Variants in CFAP54 observed in about 807,000 individuals in gnomAD.
CFAP54 encodes the protein cilia and flagella associated protein 54.
In CFAP54, 290 loss-of-function variants were observed where a neutral mutation model predicts 370.4. The observed-to-expected ratio is 0.78, with a 90% CI of 0.71 to 0.86. The LOEUF (loss-of-function observed/expected upper bound fraction) is 0.86. CFAP54 is among the 40% of genes least tolerant of loss of function. CFAP54 has a pLI of 0.00. For missense variants in CFAP54, 3,399 were observed against 3,528.7 expected, an observed-to-expected ratio of 0.96 and a Z score of 0.93; for synonymous variants, 1,206 against 1,236.5, an observed-to-expected ratio of 0.98 and a Z score of 0.52.
intron 32 of CFAP54, among the ~76,000 whole-genome samples, chr12:96,634,044 A>ATTTTTTTTTTTTTTTTTTTTTTTTT (rs1238845346): frequency 1.2e-5 from 1 of 85,360 alleles, no homozygotes; most frequent in Non-Finnish European, 2.7e-5. Context: ...GATAGCGAAC[A>ATTTTTTTTTTTTTTTTTTTTTTTTT]TCTTTTTTTT....
At position 96,817,756 on chromosome 12, in the gene CFAP54, A is replaced by C; in HGVS notation, c.8958-19A>C. On this transcript the variant is annotated intron_variant, in intron 64 of 67. Transcript: ENST00000524981. The stretch of plus-strand genomic sequence containing the variant: ...TCTTAACTCTTCAAATAAAATACAT[A>C]TATATTTGTTATTTTCAGGGTTATT... The C allele has an allele frequency of 7.1e-7, 1 of 1,410,134 alleles. No individual in the cohort carries two copies. The highest frequency in any genetic ancestry group is 1.4e-5 in the African/African-American group (1 of 69,264). The allele number at this position is 1,410,134 out of a possible 1,614,324, so 87.4% of individuals were successfully genotyped here.
chr12:96,823,138 C>CTGTG (rs34092422), intron 65 of CFAP54, among the ~76,000 whole-genome samples: 43,035 of 147,848 alleles, frequency 0.29, 6,480 homozygotes, highest in South Asian at 0.53. Flanking sequence ...GTGTGTGTGT[C>CTGTG]TGTGTGTGTG....
rs146532845 is a variant in CFAP54, at chr12:96,732,678, T to C, written c.6966-7278T>C. Among the ~76,000 whole-genome samples, 722 of 152,314 alleles carry C rather than the reference T, an allele frequency of 4.7e-3. 4 individuals are homozygous for C. The highest frequency in any genetic ancestry group is 0.016 in the African/African-American group (685 of 41,560). On this transcript the variant is annotated intron_variant, in intron 50 of 67. Transcript: ENST00000524981. ...GGGTTCTCAATAATTTTTAGAGGTA[T>C]AAAGAGGTGCTGAGAATAAAAAGCT...
chr12:96,641,275 A>T (rs1227786212), intron 32 of CFAP54, among the ~76,000 whole-genome samples: 1 of 152,250 alleles, frequency 6.6e-6, no homozygotes, highest in Non-Finnish European at 1.5e-5. Flanking sequence ...AAGGATATGA[A>T]CAGACACTTC....
At chr12:96,799,116 AG>A (rs1845157613) in intron 63 of CFAP54, among the ~76,000 whole-genome samples, 1 of 152,210 alleles carries the variant, frequency 6.6e-6, no homozygotes, top group Non-Finnish European at 1.5e-5. Context: ...GATAGAAGGA[AG>A]GAGGGGACAA....
intron 19 of CFAP54, among the ~76,000 whole-genome samples, chr12:96,574,173 A>T (rs553618912): frequency 2.6e-4 from 40 of 152,228 alleles, no homozygotes; most frequent in Non-Finnish European, 5.4e-4. Flanking sequence ...TATGACTCCA[A>T]CGCGTACTCA....
intron 66 of CFAP54, among the ~76,000 whole-genome samples, chr12:96,837,932 C>T (rs185323689): frequency 9.8e-4 from 149 of 152,314 alleles, no homozygotes; most frequent in African/African-American, 3.5e-3. Context: ...CTCCATGGTT[C>T]TTCTAGCATT....
rs1467789042 is a variant in CFAP54 at position 96,792,442 on chromosome 12, T to G, written c.8793T>G (p.Leu2931=). The change falls in exon 63 of 68, where the codon CTT becomes CTG. Residue 2931 remains leucine (L), a synonymous_variant. Transcript: ENST00000524981. ...EMVTQASNKE[L]CFQWYIPPLD... ...TAACGCAAGCTTCAAACAAAGAACT[T>G]TGCTTTCAATGGTACATTCCTCCCC... The G allele has an allele frequency of 6.5e-7, 1 of 1,535,964 alleles. No homozygotes were observed. The highest frequency in any genetic ancestry group is 8.7e-7 in the Non-Finnish European group (1 of 1,146,796).
rs752392596 is a variant in CFAP54, at chr12:96,708,688, T to A, written c.6609T>A (p.Asn2203Lys). ...AACCACATCTCTTAAATAAGTTTAA[T>A]TTTGTTAAAGCATACTTTTTCCTAA... is the stretch of plus-strand genomic sequence containing the variant. ...IGQPHLLNKF[N>K]FVKAYFFLSV... The change falls in exon 48 of 68, where the codon AAT becomes AAA. Residue 2203 changes from asparagine to lysine, a missense_variant. By Grantham distance (94) the Asn-to-Lys change is moderately conservative. Transcript: ENST00000524981. 1 of 1,612,454 alleles carries A rather than the reference T, an allele frequency of 6.2e-7. No individual in the cohort carries two copies. Among genetic ancestry groups the A allele is most frequent in the Admixed American group, 1.7e-5 (1 of 59,850 alleles).
chr12:96,583,795 A>G (rs755336796), intron 22 of CFAP54, among the ~76,000 whole-genome samples: 6 of 152,156 alleles, frequency 3.9e-5, no homozygotes, highest in Non-Finnish European at 8.8e-5. Flanking sequence ...TGTATTGGAC[A>G]CCTAACATGT....
intron 66 of CFAP54, among the ~76,000 whole-genome samples, chr12:96,830,502 G>C (rs11108713): frequency 0.34 from 51,463 of 151,800 alleles, 9,015 homozygotes; most frequent in South Asian, 0.53. Flanking sequence ...GACCATTTGC[G>C]TATCTTCTTT....
At chr12:96,820,579 G>A (rs925716116) in intron 65 of CFAP54, among the ~76,000 whole-genome samples, 4 of 152,154 alleles carry the variant, frequency 2.6e-5, no homozygotes, top group Admixed American at 2.0e-4. Flanking sequence ...TGGGGCAGAT[G>A]TCTTAGAATT....
intron 5 of CFAP54, among the ~76,000 whole-genome samples, chr12:96,513,337 G>C (rs1955194546): frequency 6.6e-6 from 1 of 152,130 alleles, no homozygotes; most frequent in African/African-American, 2.4e-5. Flanking sequence ...CATCCATCTG[G>C]TTGCTATAGC....
chr12:96,834,004 A>G (rs1484526761), intron 66 of CFAP54, among the ~76,000 whole-genome samples: 2 of 152,176 alleles, frequency 1.3e-5, no homozygotes, highest in Non-Finnish European at 2.9e-5. Context: ...CAGCTTGATA[A>G]AAGTAGAAGG....
intron 22 of CFAP54, among the ~76,000 whole-genome samples, chr12:96,586,151 T>C (rs767874291): frequency 2.0e-5 from 3 of 152,206 alleles, no homozygotes; most frequent in Non-Finnish European, 4.4e-5. Context: ...CACATAGGAA[T>C]GACTTGGAGT....
At chr12:96,784,950 G>C in intron 61 of CFAP54, 60 bp downstream of exon 61, 1 of 1,230,130 alleles carries the variant, frequency 8.1e-7, no homozygotes, top group South Asian at 2.0e-5. Context: ...TTTAAGTCAT[G>C]TTTCTTGTTG....
intron 63 of CFAP54, 43 bp downstream of exon 63, chr12:96,792,542 A>G: frequency 7.0e-7 from 1 of 1,428,362 alleles, no homozygotes; most frequent in Non-Finnish European, 9.4e-7. Flanking sequence ...ATTTATATAT[A>G]AAGCTTAACT....
intron 63 of CFAP54, among the ~76,000 whole-genome samples, chr12:96,807,696 A>G (rs1958896059): frequency 6.6e-6 from 1 of 152,166 alleles, no homozygotes; most frequent in African/African-American, 2.4e-5. Context: ...GAATAGAACT[A>G]AGTATTAGTG....
chr12:96,718,642 G>GT, intron 49 of CFAP54, 120 bp downstream of exon 49: 1 of 600,738 alleles, frequency 1.7e-6, no homozygotes, highest in Non-Finnish European at 3.0e-6. Context: ...CTTTTCTTGT[G>GT]TAAGAATGGG....
Sources: allele counts gnomAD v4.1 joint callset (sites outside exome capture counted in the v4.1 genomes callset), GRCh38; gene constraint gnomAD v4.1.1; transcripts MANE v1.5; gene names NCBI Gene and HGNC (gene_info 2026-07-23, HGNC 2026-07-21).